C12orf54: variants seen among roughly 807,000 people sequenced by gnomAD.
C12orf54 encodes chromosome 12 open reading frame 54.
C12orf54 carries 24 observed loss-of-function variants against 26.4 expected under a neutral mutation model. That is an observed-to-expected ratio of 0.91 (90% CI 0.66 to 1.28). C12orf54 has a LOEUF of 1.28. Among genes scored for constraint, C12orf54 ranks in the 50% most tolerant of loss-of-function variants. C12orf54 has a pLI of 0.00. For missense variants in C12orf54, 154 were observed against 150.9 expected, an observed-to-expected ratio of 1.02 and a Z score of -0.11; for synonymous variants, 54 against 47.0, an observed-to-expected ratio of 1.15 and a Z score of -0.61.
intron 6 of C12orf54, 39 bp downstream of exon 6, chr12:48,490,875 A>C: frequency 6.2e-7 from 1 of 1,605,492 alleles, no homozygotes; most frequent in Non-Finnish European, 8.5e-7. Context: ...AAAGGAAACA[A>C]GGGAGGGGAT....
chr12:48,433,487 G>A, the C12orf54 span, among the ~76,000 whole-genome samples: 5 of 147,454 alleles, frequency 3.4e-5, no homozygotes, highest in East Asian at 1.0e-3. Flanking sequence ...TTGCTCTGTT[G>A]CCCAGGCTGG....
the C12orf54 span, among the ~76,000 whole-genome samples, chr12:48,415,757 GC>G: frequency 6.6e-6 from 1 of 151,886 alleles, no homozygotes; most frequent in Non-Finnish European, 1.5e-5. Context: ...CCATATATTA[GC>G]CCTGACCATT....
chr12:48,479,879 A>G (rs183728441), upstream of C12orf54, among the ~76,000 whole-genome samples: 43 of 152,188 alleles, frequency 2.8e-4, no homozygotes, highest in East Asian at 8.1e-3. Flanking sequence ...TTTTCATACA[A>G]TTTTTTGGGG....
At chr12:48,446,351 G>A in the C12orf54 span, among the ~76,000 whole-genome samples, 1 of 152,164 alleles carries the variant, frequency 6.6e-6, no homozygotes, top group Admixed American at 6.5e-5. Context: ...TACAAAGAAA[G>A]GGAAACTAGA....
intron 7 of C12orf54, among the ~76,000 whole-genome samples, chr12:48,494,203 G>T (rs928912435): frequency 1.3e-5 from 2 of 151,814 alleles, no homozygotes; most frequent in African/African-American, 4.8e-5. Flanking sequence ...TAGGCAACAA[G>T]AGTGAAACTC....
chr12:48,434,925 A>G, the C12orf54 span, among the ~76,000 whole-genome samples: 1 of 152,234 alleles, frequency 6.6e-6, no homozygotes, highest in African/African-American at 2.4e-5. Flanking sequence ...GACTTTGACG[A>G]GTTGAGAGAA....
chr12:48,450,069 C>T, the C12orf54 span, among the ~76,000 whole-genome samples: 2 of 152,184 alleles, frequency 1.3e-5, no homozygotes, highest in African/African-American at 2.4e-5. Context: ...ACCTCTTTTT[C>T]TTCCCCGTTT....
chr12:48,472,921 A>G, the C12orf54 span: 1 of 1,614,204 alleles, frequency 6.2e-7, no homozygotes, highest in Admixed American at 1.7e-5. Context: ...TTGGCAGAAA[A>G]GTGTCCAAAC....
chr12:48,460,015 A>C, the C12orf54 span, among the ~76,000 whole-genome samples: 2 of 152,186 alleles, frequency 1.3e-5, no homozygotes, highest in Admixed American at 6.5e-5. Context: ...GTCTGGTCAA[A>C]CTGGTACAGG....
the C12orf54 span, among the ~76,000 whole-genome samples, chr12:48,436,867 C>T: frequency 2.6e-5 from 4 of 152,126 alleles, no homozygotes; most frequent in African/African-American, 9.7e-5. Flanking sequence ...AGAGCAAACA[C>T]ATTCAAAAGC....
chr12:48,486,538 A>T, intron 3 of C12orf54, 150 bp from the exon 4 acceptor site: 1 of 756,460 alleles, frequency 1.3e-6, no homozygotes, highest in Non-Finnish European at 2.2e-6. Context: ...GGGCTGCAGG[A>T]GACTTTTGGC....
chr12:48,485,049 G>A (rs892725635), intron 2 of C12orf54, among the ~76,000 whole-genome samples: 2 of 151,962 alleles, frequency 1.3e-5, no homozygotes, highest in Non-Finnish European at 1.5e-5. Context: ...GAAATCTGTA[G>A]GCTCAATGTC....
At chr12:48,457,810 G>A in the C12orf54 span, among the ~76,000 whole-genome samples, 2 of 152,078 alleles carry the variant, frequency 1.3e-5, no homozygotes, top group Admixed American at 6.5e-5. Context: ...TGTGTCCTGC[G>A]GGAGAAGCAG....
the C12orf54 span, among the ~76,000 whole-genome samples, chr12:48,435,826 A>C: frequency 2.7e-4 from 41 of 152,302 alleles, no homozygotes; most frequent in African/African-American, 7.5e-4. Flanking sequence ...AAACACCATC[A>C]AGGCTAGGAA....
intron 6 of C12orf54, among the ~76,000 whole-genome samples, chr12:48,492,456 C>T (rs908369977): frequency 6.6e-6 from 1 of 152,270 alleles, no homozygotes; most frequent in Non-Finnish European, 1.5e-5. Context: ...CAAATAGGTC[C>T]CTGCAGGGCC....
chr12:48,417,898 T>C, the C12orf54 span, among the ~76,000 whole-genome samples: 1 of 152,248 alleles, frequency 6.6e-6, no homozygotes, highest in Non-Finnish European at 1.5e-5. Flanking sequence ...TCCGTGTTAC[T>C]ACAAACAACA....
the C12orf54 span, chr12:48,472,991 G>GA: frequency 1.2e-6 from 2 of 1,614,068 alleles, no homozygotes; most frequent in Admixed American, 3.3e-5. Context: ...TAGAGCCCCT[G>GA]AAAAAGTTAG....
At chr12:48,458,794 G>A in the C12orf54 span, among the ~76,000 whole-genome samples, 4 of 150,374 alleles carry the variant, frequency 2.7e-5, no homozygotes, top group African/African-American at 9.8e-5. Flanking sequence ...TTCCTATTTT[G>A]GAAAGACTGA....
chr12:48,450,465 C>T, the C12orf54 span, among the ~76,000 whole-genome samples: 1 of 152,004 alleles, frequency 6.6e-6, no homozygotes, highest in Admixed American at 6.6e-5. Context: ...GCTAGCAGAA[C>T]ACAAGAAATA....
Sources: gnomAD v4.1 joint callset for allele counts (sites outside exome capture counted in the v4.1 genomes callset) on GRCh38, gnomAD v4.1.1 for gene constraint, MANE v1.5 for transcripts, NCBI Gene and HGNC (gene_info 2026-07-23, HGNC 2026-07-21) for gene names.